CDX1: variants seen among roughly 807,000 people sequenced by gnomAD.
CDX1 encodes the protein caudal type homeobox 1.
CDX1 carries 9 observed loss-of-function variants against 16.9 expected under a neutral mutation model. That is an observed-to-expected ratio of 0.53 (90% CI 0.32 to 0.93). The LOEUF is 0.93. Among genes scored for constraint, CDX1 ranks in the 40% least tolerant of loss-of-function variants. The probability of loss-of-function intolerance (pLI) is 0.04; values close to 1 mark genes in which losing one functional copy is unlikely to be tolerated. For missense variants in CDX1, 393 were observed against 386.1 expected (o/e 1.02, Z -0.15); for synonymous variants, 179 against 179.0 (o/e 1.00, Z 0.00).
rs542308548 is a variant in CDX1, at chr5:150,173,433, A to G, written c.445+6112A>G. Among the ~76,000 whole-genome samples, 13 of 152,252 alleles carry G rather than the reference A, an allele frequency of 8.5e-5. No homozygotes were observed. The South Asian group carries it at 2.1e-3, about 24-fold the overall frequency. ...TGTCTTTCCCTGTTCATGACATGGA[A>G]GCCTCCTTCTCAACCTCAGGTCTTG... On this transcript the variant is annotated intron_variant, in intron 1 of 2. Coordinates refer to ENST00000231656, the MANE Select transcript of CDX1 (RefSeq NM_001804.3).
Position 150,172,790 on chromosome 5 carries a change from C to CT in CDX1, c.445+5477dup, listed in dbSNP as rs1004991002. ...GACCCAGTTAGAAGGTGGCAGAAGG[C>CT]TTTTTTTTGGTTGGGTGTTTTCTCC... On this transcript the variant is annotated intron_variant, in intron 1 of 2. Coordinates refer to ENST00000231656, the MANE Select transcript of CDX1 (RefSeq NM_001804.3). 4.6e-5 allele frequency among the ~76,000 whole-genome samples: 7 copies of CT among 152,168 alleles called. No individual in the cohort carries two copies. In the South Asian group the frequency reaches 1.2e-3, roughly 27 times the overall value.
chr5:150,183,428 A>G lies in CDX1; in HGVS notation c.592-46A>G, dbSNP rs376516719. 16 of 1,499,840 alleles carry G rather than the reference A, an allele frequency of 1.1e-5. No individual in the cohort carries two copies. The African/African-American group carries it at 1.4e-4, about 13-fold the overall frequency. 92.9% of individuals were successfully genotyped at this position (1,499,840 alleles called of 1,614,324 possible). A position where few individuals can be genotyped will look rare whatever the true frequency, so the allele number is the denominator to read the frequency against. ...CTCTCCTTCTTGCACTCTCTCTTTC[A>G]CTCTCTCCCTGCTGCCCACTCCATC... On this transcript the variant is annotated intron_variant, in intron 2 of 2. Coordinates refer to ENST00000231656, the MANE Select transcript of CDX1 (RefSeq NM_001804.3).
chr5:150,171,184 C>T (rs1415986222), intron 1 of CDX1, among the ~76,000 whole-genome samples: 1 of 152,228 alleles, frequency 6.6e-6, no homozygotes, highest in East Asian at 1.9e-4. Context: ...TTGCCACAGC[C>T]ACCAACCTGC....
intron 1 of CDX1, among the ~76,000 whole-genome samples, chr5:150,172,764 T>C (rs1298757855): frequency 6.6e-6 from 1 of 152,230 alleles, no homozygotes; most frequent in Non-Finnish European, 1.5e-5. Flanking sequence ...GGAAAGGGAA[T>C]GACCCAGTTA....
intron 1 of CDX1, among the ~76,000 whole-genome samples, chr5:150,168,171 G>C (rs1311232927): frequency 6.6e-6 from 1 of 152,248 alleles, no homozygotes; most frequent in Non-Finnish European, 1.5e-5. Flanking sequence ...TGTCCGGACT[G>C]TGTCCGGCCT....
At chr5:150,171,489 T>C (rs2282807) in intron 1 of CDX1, among the ~76,000 whole-genome samples, 78,480 of 152,060 alleles carry the variant, frequency 0.52, 21,619 homozygotes, top group African/African-American at 0.72. Context: ...GCGCACGCTG[T>C]CATGCCCGGC....
chr5:150,182,633 G>A (rs916597005), intron 1 of CDX1, 135 bp from the exon 2 acceptor site: 6 of 765,136 alleles, frequency 7.8e-6, no homozygotes, highest in South Asian at 1.9e-5. Flanking sequence ...TGAACCTGGA[G>A]TGTATGTCTC....
At chr5:150,168,468 C>T (rs1247605551) in intron 1 of CDX1, among the ~76,000 whole-genome samples, 2 of 152,242 alleles carry the variant, frequency 1.3e-5, no homozygotes, top group Non-Finnish European at 2.9e-5. Context: ...GGGAACCAGA[C>T]TCTGCCACTT....
chr5:150,167,057 TG>T lies in CDX1; in HGVS notation c.187del (p.Ala63ArgfsTer136). 2 of 1,421,164 alleles carry T rather than the reference TG, an allele frequency of 1.4e-6. No individual in the cohort carries two copies. The highest frequency in any genetic ancestry group is 2.9e-5 in the Admixed American group (1 of 34,724). The allele number at this position is 1,421,164 out of a possible 1,614,324, so 88.0% of individuals were successfully genotyped here. A position where few individuals can be genotyped will look rare whatever the true frequency, so the allele number is the denominator to read the frequency against. On this transcript the variant is annotated frameshift_variant, in exon 1 of 3. Transcript: ENST00000231656. LOFTEE classifies it high-confidence loss of function. The stretch of plus-strand genomic sequence containing the variant: ...GCCGGCCCCCGCGCCCCCGACGGCC[TG>T]GGGGGCGCCCTTCCCTGCGCCCAAG... ...VEPAPAPPTA[W>X]GAPFPAPKDD...
Position 150,167,330 on chromosome 5 carries a change from C to T in CDX1, c.445+9C>T, listed in dbSNP as rs1264985831. 6 of 1,250,684 alleles carry T rather than the reference C, an allele frequency of 4.8e-6. No homozygotes were observed. Among genetic ancestry groups the T allele is most frequent in the Non-Finnish European group, 6.0e-6 (6 of 1,000,926 alleles). 77.5% of individuals were successfully genotyped at this position (1,250,684 alleles called of 1,614,324 possible). A position where few individuals can be genotyped will look rare whatever the true frequency, so the allele number is the denominator to read the frequency against. On this transcript the variant is annotated intron_variant, in intron 1 of 2. Coordinates refer to ENST00000231656, the MANE Select transcript of CDX1 (RefSeq NM_001804.3). ...AGGCGGCGGTGGCAGCGGTAAGGAC[C>T]CTTCCCTCGCCCTGCGCCTCTGGAC... is the stretch of plus-strand genomic sequence containing the variant.
intron 1 of CDX1, 67 bp downstream of exon 1, chr5:150,167,388 CCT>C (rs556253348): frequency 2.7e-5 from 30 of 1,100,058 alleles, no homozygotes; most frequent in South Asian, 1.3e-4. Context: ...CAGGCCGCCC[CCT>C]GTCTGACCTC....
chr5:150,181,248 A>G (rs80300693), intron 1 of CDX1, among the ~76,000 whole-genome samples: 1,522 of 152,134 alleles, frequency 0.01, 27 homozygotes, highest in African/African-American at 0.035. Context: ...GCCTCTCCCC[A>G]GATGTCTGCA....
intron 1 of CDX1, among the ~76,000 whole-genome samples, chr5:150,179,509 C>T (rs114391837): frequency 6.0e-4 from 91 of 152,350 alleles, no homozygotes; most frequent in African/African-American, 2.1e-3. Context: ...TCAGGACAGC[C>T]CTCTGCAAGT....
In CDX1 at chr5:150,167,174, C is replaced by T; in HGVS notation, c.298C>T (p.Pro100Ser). 1 of 1,279,476 alleles carries T rather than the reference C, an allele frequency of 7.8e-7. No homozygotes were observed. Among genetic ancestry groups the T allele is most frequent in the African/African-American group, 1.6e-5 (1 of 64,300 alleles). 79.3% of individuals were successfully genotyped at this position (1,279,476 alleles called of 1,614,324 possible). A position where few individuals can be genotyped will look rare whatever the true frequency, so the allele number is the denominator to read the frequency against. The part of the protein sequence containing the change: ...LAFGPPPDFS[P>S]VPAPPGPGPG... Reference sequence around the variant, plus strand: ...ATTCGGGCCCCCTCCAGACTTTAGCCCGGTGCCGGCGCCCCCTGGGCCCGG... The same window carrying T: ...ATTCGGGCCCCCTCCAGACTTTAGCTCGGTGCCGGCGCCCCCTGGGCCCGG... The change falls in exon 1 of 3, where the codon CCG becomes TCG. Residue 100 changes from proline to serine, a missense_variant. Pro to Ser is a moderately conservative substitution (Grantham distance 74). Coordinates refer to ENST00000231656, the MANE Select transcript of CDX1 (RefSeq NM_001804.3).
intron 1 of CDX1, among the ~76,000 whole-genome samples, chr5:150,176,641 C>A (rs981908484): frequency 1.3e-5 from 2 of 152,198 alleles, no homozygotes; most frequent in African/African-American, 2.4e-5. Context: ...CTCAAAACTG[C>A]AGAGTCTCGA....
intron 1 of CDX1, 141 bp downstream of exon 1, chr5:150,167,462 G>T (rs951542264): frequency 6.1e-6 from 3 of 487,986 alleles, no homozygotes; most frequent in Non-Finnish European, 9.6e-6. Context: ...GCCCTGGGGG[G>T]CTGCTCTTTG....
intron 1 of CDX1, among the ~76,000 whole-genome samples, chr5:150,181,501 C>G (rs753814375): frequency 6.6e-6 from 1 of 151,916 alleles, no homozygotes; most frequent in Non-Finnish European, 1.5e-5. Context: ...GGTCTTGAAC[C>G]CCTGACCTCA....
At chr5:150,181,372 A>G (rs766469058) in intron 1 of CDX1, among the ~76,000 whole-genome samples, 1 of 152,208 alleles carries the variant, frequency 6.6e-6, no homozygotes, top group East Asian at 1.9e-4. Flanking sequence ...GGTTCAAGCA[A>G]TTCTCCTGTT....
intron 1 of CDX1, among the ~76,000 whole-genome samples, chr5:150,180,463 C>T (rs994537271): frequency 1.1e-4 from 16 of 152,338 alleles, no homozygotes; most frequent in African/African-American, 2.4e-4. Flanking sequence ...CCATTTGGCT[C>T]ACGGAGAGCC....
Sources: allele counts gnomAD v4.1 joint callset (sites outside exome capture counted in the v4.1 genomes callset), GRCh38; gene constraint gnomAD v4.1.1; transcripts MANE v1.5; gene names NCBI Gene and HGNC (gene_info 2026-07-23, HGNC 2026-07-21).